Variants in ROBO2 observed in about 807,000 individuals in gnomAD.
ROBO2 encodes the protein roundabout homolog 2.
ROBO2 carries 53 observed loss-of-function variants against 160.8 expected under a neutral mutation model. The observed-to-expected ratio is 0.33, with a 90% CI of 0.26 to 0.41. The LOEUF is 0.41. ROBO2 is among the 10% of genes least tolerant of loss of function. The pLI is 1.00. For synonymous variants in ROBO2, 664 were observed against 611.7 expected (o/e 1.09, Z -1.26); for missense variants, 1,577 against 1,722.4 (o/e 0.92, Z 1.49).
intron 2 of ROBO2, among the ~76,000 whole-genome samples, chr3:76,083,009 G>C (rs1374889604): frequency 6.6e-6 from 1 of 152,092 alleles, no homozygotes; most frequent in African/African-American, 2.4e-5. Context: ...TGTAATGAGG[G>C]AGGAAAGATT....
chr3:76,909,871 G>C (rs1384103558), intron 2 of ROBO2, among the ~76,000 whole-genome samples: 13 of 152,134 alleles, frequency 8.5e-5, no homozygotes, highest in Non-Finnish European at 1.8e-4. Context: ...AAATATGCTT[G>C]GGAGACAGAA....
chr3:76,171,637 C>G (rs1013966477), intron 2 of ROBO2, among the ~76,000 whole-genome samples: 1 of 152,000 alleles, frequency 6.6e-6, no homozygotes, highest in Non-Finnish European at 1.5e-5. Context: ...CCTGATGTAG[C>G]TACATTATCC....
chr3:76,339,074 AT>A (rs1353446258), intron 2 of ROBO2, among the ~76,000 whole-genome samples: 1 of 152,180 alleles, frequency 6.6e-6, no homozygotes, highest in Non-Finnish European at 1.5e-5. Context: ...CATCAATGAT[AT>A]TTTTAAATGT....
At chr3:77,164,776 C>T (rs749726050) in intron 2 of ROBO2, among the ~76,000 whole-genome samples, 2,336 of 6,780 alleles carry the variant, frequency 0.34, 339 homozygotes, top group East Asian at 0.53. Flanking sequence ...GTCAGACCCC[C>T]GCCCGGCCAG....
chr3:77,428,647 C>G (rs568433661), intron 2 of ROBO2, among the ~76,000 whole-genome samples: 4 of 151,990 alleles, frequency 2.6e-5, no homozygotes, highest in Non-Finnish European at 5.9e-5. Context: ...TGAGCCACCG[C>G]GCCCGGCCGG....
intron 20 of ROBO2, 71 bp downstream of exon 21, chr3:77,602,562 G>C: frequency 6.4e-7 from 1 of 1,562,746 alleles, no homozygotes; most frequent in Non-Finnish European, 8.8e-7. Flanking sequence ...ATTAGTATTT[G>C]TTGTTTGACT....
At chr3:76,032,715 T>G (rs902727497) in intron 2 of ROBO2, among the ~76,000 whole-genome samples, 5 of 152,180 alleles carry the variant, frequency 3.3e-5, no homozygotes, top group African/African-American at 1.2e-4. Context: ...CATTGTGGTC[T>G]TAGAGATAGT....
intron 2 of ROBO2, among the ~76,000 whole-genome samples, chr3:76,644,450 C>A (rs1018144835): frequency 3.3e-5 from 5 of 152,174 alleles, no homozygotes; most frequent in Non-Finnish European, 1.5e-5. Flanking sequence ...CTCTATCTTG[C>A]GCTGGGCCCT....
At chr3:77,273,526 T>G (rs1248117958) in intron 2 of ROBO2, among the ~76,000 whole-genome samples, 1 of 152,038 alleles carries the variant, frequency 6.6e-6, no homozygotes, top group Non-Finnish European at 1.5e-5. Context: ...GTAGATGATG[T>G]ATTGCATAAA....
intron 1 of ROBO2, among the ~76,000 whole-genome samples, chr3:77,095,331 A>T (rs765444723): frequency 2.0e-5 from 3 of 152,102 alleles, no homozygotes; most frequent in Non-Finnish European, 2.9e-5. Flanking sequence ...GTTTAATTTT[A>T]TTGCTAAATA....
At chr3:76,255,820 C>G (rs1288707289) in intron 2 of ROBO2, among the ~76,000 whole-genome samples, 1 of 151,874 alleles carries the variant, frequency 6.6e-6, no homozygotes, top group African/African-American at 2.4e-5. Context: ...GTATTAATCA[C>G]TTTCCCACGT....
At position 76,063,755 on chromosome 3, in the gene ROBO2, CT is replaced by C. The variant is rs552483339; in HGVS notation, c.109+126154del. On this transcript the variant is annotated intron_variant, in intron 2 of 26. Transcript: ENST00000487694. ...CAGCAGACTTATGGCAGAGTAAAAT[CT>C]CTGTACATCTGTTTTGTCTCCTGAG... 2.8e-4 allele frequency among the ~76,000 whole-genome samples: 42 copies of C among 152,266 alleles called. 1 individual carries two copies. The South Asian group carries it at 8.1e-3, about 29-fold the overall frequency.
intron 2 of ROBO2, among the ~76,000 whole-genome samples, chr3:76,088,854 A>T (rs982272416): frequency 2.6e-5 from 4 of 152,030 alleles, no homozygotes; most frequent in Non-Finnish European, 5.9e-5. Flanking sequence ...AAAAGAAATA[A>T]TAAAAATTAG....
At chr3:76,623,510 T>C (rs530319418) in intron 2 of ROBO2, among the ~76,000 whole-genome samples, 2 of 152,218 alleles carry the variant, frequency 1.3e-5, no homozygotes. Context: ...CTTAAGTATT[T>C]ACTAATGCAT....
At chr3:76,493,337 T>TTATATATATATA (rs57835432) in intron 2 of ROBO2, among the ~76,000 whole-genome samples, 1,092 of 104,714 alleles carry the variant, frequency 0.01, 24 homozygotes, top group East Asian at 0.025. Context: ...AGACAAAAAA[T>TTATATATATATA]TATATATATA....
At position 77,451,792 on chromosome 3, in the gene ROBO2, A is replaced by G. The variant is rs565472777; in HGVS notation, c.389-25622A>G. On this transcript the variant is annotated intron_variant, in intron 2 of 25. Transcript: ENST00000461745. ...CCTTTTTTTTTAATTTTTTTATTAT[A>G]CTTTAAGTTCTCGGGTACATGTGCA... Among the ~76,000 whole-genome samples the G allele has an allele frequency of 1.1e-4, 17 of 149,600 alleles. 1 individual carries two copies. The highest frequency in any genetic ancestry group is 2.7e-4 in the Admixed American group (4 of 15,050).
At chr3:77,076,443 T>TA (rs1311346762) in intron 1 of ROBO2, among the ~76,000 whole-genome samples, 1 of 152,120 alleles carries the variant, frequency 6.6e-6, no homozygotes, top group Non-Finnish European at 1.5e-5. Flanking sequence ...TCTTTTTTCT[T>TA]AAAGTTTGTG....
intron 2 of ROBO2, among the ~76,000 whole-genome samples, chr3:77,387,912 T>C (rs1057426140): frequency 2.0e-5 from 3 of 152,078 alleles, no homozygotes; most frequent in East Asian, 3.9e-4. Context: ...CCTTCAAATA[T>C]CGAAGCCGTC....
At chr3:77,179,621 A>T (rs1467221870) in intron 2 of ROBO2, among the ~76,000 whole-genome samples, 5 of 152,172 alleles carry the variant, frequency 3.3e-5, no homozygotes, top group Admixed American at 3.3e-4. Context: ...CATTAAAAAC[A>T]GTTGGTTAAC....
Sources: gnomAD v4.1 joint callset for allele counts (sites outside exome capture counted in the v4.1 genomes callset) on GRCh38, gnomAD v4.1.1 for gene constraint, MANE v1.5 for transcripts, NCBI Gene and HGNC (gene_info 2026-07-23, HGNC 2026-07-21) for gene names.